Variants in ZNF561 observed in about 807,000 individuals in gnomAD.
ZNF561 encodes the protein zinc finger protein 561.
ZNF561 carries 16 observed loss-of-function variants against 16.7 expected under a neutral mutation model. The observed-to-expected ratio is 0.96, with a 90% CI of 0.65 to 1.45. The LOEUF (loss-of-function observed/expected upper bound fraction) is 1.45, where lower values mean the gene tolerates loss of function less well. ZNF561 is among the 40% of genes most tolerant of loss of function. ZNF561 has a pLI of 0.00. For synonymous variants in ZNF561, 190 were observed against 192.1 expected, an observed-to-expected ratio of 0.99 and a Z score of 0.09; for missense variants, 580 against 578.0, an observed-to-expected ratio of 1.00 and a Z score of -0.04.
intron 5 of ZNF561, among the ~76,000 whole-genome samples, chr19:9,612,908 G>C (rs2074487142): frequency 6.6e-6 from 1 of 152,186 alleles, no homozygotes; most frequent in Non-Finnish European, 1.5e-5. Context: ...CCATCATCCT[G>C]CCTCAGTCCC....
In ZNF561 at chr19:9,609,254, C is replaced by T. The variant is rs2144860803; in HGVS notation, c.*946G>A. 6.6e-6 allele frequency: 1 copy of T among 152,334 alleles called. No individual in the cohort carries two copies. The highest frequency in any genetic ancestry group is 2.1e-4 in the South Asian group (1 of 4,832). The allele number at this position is 152,334 out of a possible 1,614,324, so 9.4% of individuals were successfully genotyped here. ...ATAAATATGTGGGTCAAACTCTGTTCAAGGCTCTCAGCTCTGAAGGCTGTG... is the reference window on the plus strand; with the variant it reads ...ATAAATATGTGGGTCAAACTCTGTTTAAGGCTCTCAGCTCTGAAGGCTGTG... On this transcript the variant is annotated 3_prime_UTR_variant, in exon 6 of 6. Transcript: ENST00000302851.
At chr19:9,611,454 T>C in intron 5 of ZNF561, 118 bp from the exon 6 acceptor site, 1 of 1,138,410 alleles carries the variant, frequency 8.8e-7, no homozygotes, top group South Asian at 2.2e-5. Context: ...TATTTAATTT[T>C]TTTTTCTTTT....
intron 5 of ZNF561, among the ~76,000 whole-genome samples, chr19:9,613,519 TTTC>T (rs1235250717): frequency 6.6e-6 from 1 of 151,462 alleles, no homozygotes; most frequent in Non-Finnish European, 1.5e-5. Context: ...ACAGACTCAG[TTTC>T]TTTTCTTTAT....
At chr19:9,618,624 G>A (rs1279921198) in intron 2 of ZNF561, among the ~76,000 whole-genome samples, 1 of 152,100 alleles carries the variant, frequency 6.6e-6, no homozygotes, top group East Asian at 1.9e-4. Flanking sequence ...TACTCAGGAG[G>A]CTGAGGCAGG....
Position 9,611,115 on chromosome 19 carries a change from T to C in ZNF561, c.546A>G (p.Pro182=). ...GAACTTCAAGATGTACAGCAAGACC[T>C]GGAGTTAGAGTAAAGACTTTTCCAC... ...NPCGKVFTLT[P]GLAVHLEVLN... The change falls in exon 6 of 6, where the codon CCA becomes CCG. Residue 182 remains proline, a synonymous_variant. Coordinates refer to ENST00000302851, the MANE Select transcript of ZNF561 (RefSeq NM_152289.3). The C allele has an allele frequency of 6.2e-7, 1 of 1,614,086 alleles. No individual in the cohort carries two copies. Among genetic ancestry groups the C allele is most frequent in the South Asian group, 1.1e-5 (1 of 91,084 alleles).
In ZNF561 at chr19:9,619,417, T is replaced by A. The variant is rs1444310431; in HGVS notation, c.25+15A>T. The stretch of plus-strand genomic sequence containing the variant: ...AAAGCAGAATCTCTGAAAAAGAGCA[T>A]CAACAAAGACTTACCACGGGACAAA... On this transcript the variant is annotated intron_variant, in intron 2 of 5. Transcript: ENST00000302851. 3.7e-6 allele frequency: 6 copies of A among 1,612,168 alleles called. No individual in the cohort carries two copies. Among genetic ancestry groups the A allele is most frequent in the Non-Finnish European group, 5.1e-6 (6 of 1,178,970 alleles).
At chr19:9,615,368 G>A (rs975608094) in intron 4 of ZNF561, among the ~76,000 whole-genome samples, 3 of 151,796 alleles carry the variant, frequency 2.0e-5, no homozygotes, top group African/African-American at 7.3e-5. Context: ...AGGTCGAGGT[G>A]GGTGGATCAT....
chr19:9,615,016 T>C lies in ZNF561; in HGVS notation c.242-913A>G, dbSNP rs193014706. On this transcript the variant is annotated intron_variant, in intron 4 of 5. Transcript: ENST00000302851. ...ACCACGTCTGGCTAATTTTTTGTAT[T>C]TTTAGTAGAGATGGGGTTTCACAGT... Among the ~76,000 whole-genome samples, 1,179 of 152,002 alleles carry C rather than the reference T, an allele frequency of 7.8e-3. 7 individuals are homozygous for C. The highest frequency in any genetic ancestry group is 0.012 in the Non-Finnish European group (831 of 67,958).
In ZNF561 at chr19:9,614,102, T is replaced by A. The variant is rs149094871; in HGVS notation, c.243A>T (p.Glu81Asp). The change falls in exon 5 of 6, where the codon GAA becomes GAT. Residue 81 changes from glutamate (E) to aspartate (D), a missense_variant and splice_region_variant. Coordinates refer to ENST00000302851, the MANE Select transcript of ZNF561 (RefSeq NM_152289.3). ...GTTTGGTTCTAGGTTGTATTTCCCA[T>A]TCTAAAGTTAAGCAGAAAAAGAAAC... is the stretch of plus-strand genomic sequence containing the variant. The part of the protein sequence containing the change: ...LENYMNLASV[E>D]WEIQPRTKRS... 2 of 1,613,834 alleles carry A rather than the reference T, an allele frequency of 1.2e-6. No individual in the cohort carries two copies. The highest frequency in any genetic ancestry group is 2.7e-5 in the African/African-American group (2 of 74,918).
chr19:9,620,741 A>C (rs1196116615), intron 1 of ZNF561, among the ~76,000 whole-genome samples: 1 of 152,154 alleles, frequency 6.6e-6, no homozygotes, highest in Non-Finnish European at 1.5e-5. Flanking sequence ...TAAGAACAAA[A>C]TCTAAAATTT....
At position 9,618,181 on chromosome 19, in the gene ZNF561, T is replaced by C; in HGVS notation, c.26-2A>G. The stretch of plus-strand genomic sequence containing the variant: ...AGATTGGTTCCCTGGAAAAAAACCC[T>C]AGTGGAAAAGTAAGAAGGCATGAGA... On this transcript the variant is annotated splice_acceptor_variant, in intron 2 of 5. Transcript: ENST00000302851. LOFTEE classifies it high-confidence loss of function. The C allele has an allele frequency of 6.5e-7, 1 of 1,550,346 alleles. No individual in the cohort carries two copies. The highest frequency in any genetic ancestry group is 2.4e-5 in the East Asian group (1 of 40,858).
chr19:9,608,284 G>C lies in ZNF561; in HGVS notation c.*1916C>G, dbSNP rs2074386139. On this transcript the variant is annotated 3_prime_UTR_variant, in exon 6 of 6. Transcript: ENST00000302851. ...TGGGGAGAGAGAGAGAAAGAGGAGAGAGGAGAGAGGAGAAAGGAGAGAGGA... is the reference window on the plus strand; with the variant it reads ...TGGGGAGAGAGAGAGAAAGAGGAGACAGGAGAGAGGAGAAAGGAGAGAGGA... 6.6e-6 allele frequency: 1 copy of C among 151,934 alleles called. No homozygotes were observed. Among genetic ancestry groups the C allele is most frequent in the African/African-American group, 2.4e-5 (1 of 41,346 alleles). The allele number at this position is 151,934 out of a possible 1,614,324, so 9.4% of individuals were successfully genotyped here. A position where few individuals can be genotyped will look rare whatever the true frequency, so the allele number is the denominator to read the frequency against.
At chr19:9,618,282 C>T in intron 2 of ZNF561, 103 bp from the exon 3 acceptor site, 1 of 1,132,886 alleles carries the variant, frequency 8.8e-7, no homozygotes, top group Non-Finnish European at 1.3e-6. Context: ...CCGATATGCT[C>T]CTACACACTC....
At chr19:9,620,578 T>C (rs776880816) in intron 1 of ZNF561, among the ~76,000 whole-genome samples, 1 of 152,080 alleles carries the variant, frequency 6.6e-6, no homozygotes, top group Non-Finnish European at 1.5e-5. Context: ...ACCCTAGTAG[T>C]CGGTCTGATA....
Position 9,608,423 on chromosome 19 carries a change from A to G in ZNF561, c.*1777T>C, listed in dbSNP as rs1458370340. On this transcript the variant is annotated 3_prime_UTR_variant, in exon 6 of 6. Transcript: ENST00000302851. ...GACCATGCTGGCACTCTGATCTCAG[A>G]CTTCCAGCCTCGAGAAATGTGAGAA... 1 of 152,164 alleles carries G rather than the reference A, an allele frequency of 6.6e-6. No homozygotes were observed. The highest frequency in any genetic ancestry group is 1.9e-4 in the East Asian group (1 of 5,198). 9.4% of individuals were successfully genotyped at this position (152,164 alleles called of 1,614,324 possible). A position where few individuals can be genotyped will look rare whatever the true frequency, so the allele number is the denominator to read the frequency against.
In ZNF561 at chr19:9,614,331, G is replaced by A. The variant is rs148726145; in HGVS notation, c.242-228C>T. ...TACTTCTGTAAAAATTAAAAATGCC[G>A]GGAGTGGTGGCTCACACCTGTAATC... On this transcript the variant is annotated intron_variant, in intron 4 of 5. Coordinates refer to ENST00000302851, the MANE Select transcript of ZNF561 (RefSeq NM_152289.3). 2.3e-3 allele frequency: 1,052 copies of A among 461,808 alleles called. 31 individuals are homozygous for A. The East Asian group carries it at 0.039, about 17-fold the overall frequency. The allele number at this position is 461,808 out of a possible 1,614,324, so 28.6% of individuals were successfully genotyped here.
chr19:9,620,172 C>A (rs1336026867), intron 1 of ZNF561, among the ~76,000 whole-genome samples: 1 of 152,148 alleles, frequency 6.6e-6, no homozygotes, highest in Non-Finnish European at 1.5e-5. Flanking sequence ...TCATTGCAAC[C>A]TCTGCCTCCC....
At position 9,610,776 on chromosome 19, in the gene ZNF561, G is replaced by C. The variant is rs1418036840; in HGVS notation, c.885C>G (p.Cys295Trp). ...TGTGAATTTGAATGTGATCATTAAG[G>C]CATGAGGAATTTCTAAAGGATCTTC... ...ECGRSFRNSS[C>W]LNDHIQIHTG... is the part of the protein sequence containing the mutation. The change falls in exon 6 of 6, where the codon TGC (cysteine) becomes TGG (tryptophan). Residue 295 changes from cysteine (C) to tryptophan (W), a missense_variant. Transcript: ENST00000302851. 4 of 1,614,100 alleles carry C rather than the reference G, an allele frequency of 2.5e-6. No individual in the cohort carries two copies. The highest frequency in any genetic ancestry group is 1.7e-5 in the Admixed American group (1 of 60,010).
At chr19:9,615,753 A>G (rs74398359) in intron 4 of ZNF561, among the ~76,000 whole-genome samples, 1 of 103,104 alleles carries the variant, frequency 9.7e-6, no homozygotes, top group Non-Finnish European at 2.1e-5. Context: ...TAAAAATACA[A>G]AAAAAAAAAA....
Sources: allele counts gnomAD v4.1 joint callset (sites outside exome capture counted in the v4.1 genomes callset), GRCh38; gene constraint gnomAD v4.1.1; transcripts MANE v1.5; gene names NCBI Gene and HGNC (gene_info 2026-07-23, HGNC 2026-07-21).